RUNDC3B: variants seen among roughly 807,000 people sequenced by gnomAD.
The protein encoded by RUNDC3B is RUN domain-containing protein 3B.
RUNDC3B carries 33 observed loss-of-function variants against 58.4 expected under a neutral mutation model. The observed-to-expected ratio is 0.56, with a 90% confidence interval of 0.43 to 0.75. RUNDC3B has a LOEUF of 0.75. Ranked by LOEUF, RUNDC3B falls within the 30% of genes least tolerant of loss-of-function variation. The pLI is 0.00. For synonymous variants in RUNDC3B, 193 were observed against 195.2 expected (o/e 0.99, Z 0.10); for missense variants, 501 against 535.7 (o/e 0.94, Z 0.64).
In RUNDC3B at chr7:87,683,277, G is replaced by C. The variant is rs190557633; in HGVS notation, c.239-17144G>C. ...AAACTTTCTTCATATCAGCAATAAG[G>C]CTCTTTCACTTCCTTCATGTGTTCA... On this transcript the variant is annotated intron_variant, in intron 2 of 10. Transcript: ENST00000394654. Among the ~76,000 whole-genome samples, 78 of 152,280 alleles carry C rather than the reference G, an allele frequency of 5.1e-4. No individual in the cohort carries two copies. In the East Asian group the frequency reaches 0.014, roughly 27 times the overall value.
Position 87,739,777 on chromosome 7 carries a change from A to G in RUNDC3B, c.459-14A>G, listed in dbSNP as rs986304467. 3.7e-6 allele frequency: 5 copies of G among 1,340,652 alleles called. No individual in the cohort carries two copies. The highest frequency in any genetic ancestry group is 1.7e-5 in the Admixed American group (1 of 58,440). 83.0% of individuals were successfully genotyped at this position (1,340,652 alleles called of 1,614,324 possible). ...TTTTTAATATTTTATATATTCACCC[A>G]TTTCATTTTTTAGGAGATTTTATGA... On this transcript the variant is annotated splice_polypyrimidine_tract_variant and intron_variant, in intron 4 of 10. Transcript: ENST00000394654.
At chr7:87,694,629 T>A (rs1338919303) in intron 2 of RUNDC3B, among the ~76,000 whole-genome samples, 2 of 152,216 alleles carry the variant, frequency 1.3e-5, no homozygotes, top group Non-Finnish European at 2.9e-5. Flanking sequence ...TAATCACTAC[T>A]GACACACATT....
intron 2 of RUNDC3B, among the ~76,000 whole-genome samples, chr7:87,681,858 G>C (rs1357368504): frequency 6.6e-6 from 1 of 152,166 alleles, no homozygotes; most frequent in Non-Finnish European, 1.5e-5. Flanking sequence ...CAAAGAGACA[G>C]CAGTGAATTT....
At chr7:87,759,459 A>T (rs1833556679) in intron 6 of RUNDC3B, among the ~76,000 whole-genome samples, 1 of 152,096 alleles carries the variant, frequency 6.6e-6, no homozygotes, top group Non-Finnish European at 1.5e-5. Flanking sequence ...TGTATATTTT[A>T]AAATTACCAA....
At chr7:87,770,521 T>C (rs968211856) in intron 6 of RUNDC3B, 60 bp from the exon 7 acceptor site, 3 of 1,325,338 alleles carry the variant, frequency 2.3e-6, no homozygotes, top group Admixed American at 2.2e-5. Context: ...AATGTAAAAG[T>C]GTTTAAGAAT....
intron 1 of RUNDC3B, among the ~76,000 whole-genome samples, chr7:87,634,259 A>G (rs1325876470): frequency 2.0e-5 from 3 of 152,094 alleles, no homozygotes; most frequent in East Asian, 3.8e-4. Flanking sequence ...TTGGAGATCA[A>G]ATTTCAACAT....
At chr7:87,734,698 G>A (rs1266899870) in intron 4 of RUNDC3B, among the ~76,000 whole-genome samples, 22 of 151,722 alleles carry the variant, frequency 1.5e-4, no homozygotes, top group Admixed American at 1.4e-3. Context: ...TCTGGCTTCT[G>A]CCCCTCATCA....
chr7:87,628,536 C>A lies in RUNDC3B; in HGVS notation c.-288C>A. 3.4e-6 allele frequency: 1 copy of A among 290,960 alleles called. No individual in the cohort carries two copies. The highest frequency in any genetic ancestry group is 6.3e-6 in the Non-Finnish European group (1 of 158,074). 18.0% of individuals were successfully genotyped at this position (290,960 alleles called of 1,614,324 possible). On this transcript the variant is annotated 5_prime_UTR_variant, in exon 1 of 11. Transcript: ENST00000394654. ...AGCGCCTGACGCCGACCCGCAGGCGCAGCCCGGCAGTCGGCGGCGCGCCGA... is the reference window on the plus strand; with the variant it reads ...AGCGCCTGACGCCGACCCGCAGGCGAAGCCCGGCAGTCGGCGGCGCGCCGA...
chr7:87,679,485 G>C (rs1826712728), intron 2 of RUNDC3B, among the ~76,000 whole-genome samples: 1 of 149,852 alleles, frequency 6.7e-6, no homozygotes, highest in Admixed American at 6.7e-5. Flanking sequence ...ACATCCCCAA[G>C]CTCAAATGAT....
chr7:87,819,386 G>A (rs2130957129), intron 10 of RUNDC3B, among the ~76,000 whole-genome samples: 1 of 152,172 alleles, frequency 6.6e-6, no homozygotes, highest in Admixed American at 6.5e-5. Context: ...GATTCATAAA[G>A]CAAGTCCTTA....
chr7:87,803,702 A>C (rs969437051), intron 8 of RUNDC3B, among the ~76,000 whole-genome samples: 10 of 152,294 alleles, frequency 6.6e-5, no homozygotes, highest in African/African-American at 2.4e-4. Flanking sequence ...ACGTATTTTA[A>C]GTGTGTCCTC....
intron 6 of RUNDC3B, among the ~76,000 whole-genome samples, chr7:87,762,332 A>G (rs1352500136): frequency 1.3e-5 from 2 of 151,498 alleles, no homozygotes; most frequent in African/African-American, 4.8e-5. Context: ...GAACAATAGT[A>G]TATTATCTTA....
chr7:87,735,463 T>C (rs1831870736), intron 4 of RUNDC3B, among the ~76,000 whole-genome samples: 1 of 152,300 alleles, frequency 6.6e-6, no homozygotes, highest in South Asian at 2.1e-4. Context: ...TGAAATGATT[T>C]CTTATTACAT....
Position 87,830,152 on chromosome 7 carries a change from G to A in RUNDC3B, c.*122G>A, listed in dbSNP as rs1838057059. The A allele has an allele frequency of 2.2e-6, 1 of 456,638 alleles. No homozygotes were observed. The highest frequency in any genetic ancestry group is 3.7e-6 in the Non-Finnish European group (1 of 268,460). 28.3% of individuals were successfully genotyped at this position (456,638 alleles called of 1,614,324 possible). On this transcript the variant is annotated 3_prime_UTR_variant, in exon 11 of 11. Transcript: ENST00000394654. ...TACATGTCTGAAATTCTATTGCTTG[G>A]AGAGAATCCCCTCCAGATAAGAGAT...
intron 3 of RUNDC3B, among the ~76,000 whole-genome samples, chr7:87,702,142 CAAAAAAAAAAAAAAA>C (rs146127516): frequency 3.6e-4 from 6 of 16,776 alleles, no homozygotes; most frequent in Non-Finnish European, 5.9e-4. Flanking sequence ...GACTCTGTCT[CAAAAAAAAAAAAAAA>C]AAAAAAAAAA....
intron 6 of RUNDC3B, among the ~76,000 whole-genome samples, chr7:87,767,216 ATTCT>A (rs1258680606): frequency 6.6e-6 from 1 of 152,140 alleles, no homozygotes; most frequent in Admixed American, 6.5e-5. Flanking sequence ...TACATTTTGA[ATTCT>A]TTATTTGTCA....
At chr7:87,690,327 T>A (rs761915948) in intron 2 of RUNDC3B, among the ~76,000 whole-genome samples, 1 of 152,166 alleles carries the variant, frequency 6.6e-6, no homozygotes, top group Non-Finnish European at 1.5e-5. Context: ...TATTAAACTG[T>A]TTTTACATTT....
rs1396967102 is a variant in RUNDC3B, at chr7:87,820,219, T to C, written c.1225+3957T>C. Among the ~76,000 whole-genome samples the C allele has an allele frequency of 2.0e-5, 3 of 151,918 alleles. No homozygotes were observed. The East Asian group carries it at 5.8e-4, about 29-fold the overall frequency. On this transcript the variant is annotated intron_variant, in intron 10 of 10. Transcript: ENST00000394654. ...GATAAAGGGGATATCACCACCGATC[T>C]CACAGAAATACAAACTACCATCAGA...
At chr7:87,823,821 CACAT>C (rs201428121) in intron 10 of RUNDC3B, among the ~76,000 whole-genome samples, 9 of 151,032 alleles carry the variant, frequency 6.0e-5, no homozygotes, top group East Asian at 2.1e-4. Flanking sequence ...CACACACACA[CACAT>C]ATATATATAC....
Sources: allele counts gnomAD v4.1 joint callset (sites outside exome capture counted in the v4.1 genomes callset), GRCh38; gene constraint gnomAD v4.1.1; transcripts MANE v1.5; gene names NCBI Gene and HGNC (gene_info 2026-07-23, HGNC 2026-07-21).